The following MAGI2 variants were observed in gnomAD, a reference collection of about 807,000 sequenced individuals.
MAGI2 encodes the protein membrane-associated guanylate kinase, WW and PDZ domain-containing protein 2.
MAGI2 carries 35 observed loss-of-function variants against 133.3 expected under a neutral mutation model. That is an observed-to-expected ratio of 0.26 (90% CI 0.20 to 0.35). The LOEUF is 0.35. MAGI2 is among the 10% of genes least tolerant of loss of function. The pLI is 1.00. For missense variants in MAGI2, 1,636 were observed against 1,863.4 expected (o/e 0.88, Z 2.25); for synonymous variants, 729 against 710.6 (o/e 1.03, Z -0.41).
intron 1 of MAGI2, among the ~76,000 whole-genome samples, chr7:79,317,019 C>CTTTTTTTTTT (rs58130248): frequency 9.8e-6 from 1 of 101,722 alleles, no homozygotes; most frequent in African/African-American, 3.7e-5. Context: ...TTTTCTTTTT[C>CTTTTTTTTTT]TTTTTTTTTT....
Position 79,023,921 on chromosome 7 carries a change from T to A in MAGI2, c.302-16715A>T, listed in dbSNP as rs113453542. ...AATGGCCATACTGCCCAAAGCAATTTACAGATTTAATACTATTGCTATCAA... is the reference window on the plus strand; with the variant it reads ...AATGGCCATACTGCCCAAAGCAATTAACAGATTTAATACTATTGCTATCAA... On this transcript the variant is annotated intron_variant, in intron 1 of 21. Coordinates refer to ENST00000354212, the MANE Select transcript of MAGI2 (RefSeq NM_012301.4). 2.3e-3 allele frequency among the ~76,000 whole-genome samples: 350 copies of A among 152,198 alleles called. 1 individual carries two copies. The highest frequency in any genetic ancestry group is 8.2e-3 in the African/African-American group (342 of 41,522).
chr7:78,863,391 A>G (rs1003753227), intron 2 of MAGI2, among the ~76,000 whole-genome samples: 7 of 152,112 alleles, frequency 4.6e-5, no homozygotes, highest in Non-Finnish European at 1.0e-4. Context: ...GGCAAAGGGG[A>G]GCCAGTGTGT....
At chr7:78,535,470 A>T (rs916366985) in intron 3 of MAGI2, among the ~76,000 whole-genome samples, 1 of 152,210 alleles carries the variant, frequency 6.6e-6, no homozygotes, top group East Asian at 1.9e-4. Flanking sequence ...TCAATGAGGG[A>T]TATTTACAAA....
chr7:78,072,994 C>T, intron 21 of MAGI2: 1 of 398,600 alleles, frequency 2.5e-6, no homozygotes, highest in South Asian at 1.3e-4. Context: ...AAACAAATGA[C>T]CATTACTTAT....
At chr7:79,126,515 G>A (rs969293044) in intron 1 of MAGI2, among the ~76,000 whole-genome samples, 5 of 151,958 alleles carry the variant, frequency 3.3e-5, no homozygotes, top group African/African-American at 1.2e-4. Context: ...GAGAAAAGTC[G>A]AGCTGAAAGA....
chr7:78,714,123 T>TAGTGTACATAAACATATATGAAG (rs1563396186), intron 2 of MAGI2, among the ~76,000 whole-genome samples: 1 of 150,868 alleles, frequency 6.6e-6, no homozygotes, highest in East Asian at 2.0e-4. Flanking sequence ...TAAATATGAA[T>TAGTGTACATAAACATATATGAAG]AGTGTACATA....
intron 3 of MAGI2, among the ~76,000 whole-genome samples, chr7:78,530,043 G>A (rs1026794501): frequency 2.0e-5 from 3 of 152,050 alleles, no homozygotes; most frequent in African/African-American, 7.2e-5. Flanking sequence ...ATGGCCATAT[G>A]TTACTAGCAG....
intron 20 of MAGI2, among the ~76,000 whole-genome samples, chr7:78,122,123 C>T (rs1222636043): frequency 6.6e-6 from 1 of 152,090 alleles, no homozygotes; most frequent in Non-Finnish European, 1.5e-5. Context: ...GAAGGTGGTT[C>T]CCTCTGAGGG....
At chr7:79,011,024 G>A (rs1808032928) in intron 1 of MAGI2, 1 of 152,108 alleles carries the variant, frequency 6.6e-6, no homozygotes, top group South Asian at 2.1e-4. Context: ...AACTTCAGAA[G>A]AACGTTTGGA....
In MAGI2 at chr7:78,597,378, G is replaced by C. The variant is rs867733601; in HGVS notation, c.538+29742C>G. Among the ~76,000 whole-genome samples, 235 of 150,416 alleles carry C rather than the reference G, an allele frequency of 1.6e-3. 3 individuals carry two copies. The highest frequency in any genetic ancestry group is 0.014 in the Middle Eastern group (4 of 290). ...CAGTAAAATAAATGAATTCCTTGGG[G>C]GGGGGGGTCTTATAAATAATTTTAG... is the stretch of plus-strand genomic sequence containing the variant. On this transcript the variant is annotated intron_variant, in intron 3 of 21. Transcript: ENST00000354212.
chr7:78,337,725 C>G (rs1789918940), intron 9 of MAGI2, among the ~76,000 whole-genome samples: 1 of 152,134 alleles, frequency 6.6e-6, no homozygotes, highest in East Asian at 1.9e-4. Context: ...TTTGTCTTTA[C>G]CATGTACTTG....
chr7:78,802,978 T>A (rs1351803603), intron 2 of MAGI2, among the ~76,000 whole-genome samples: 2 of 151,190 alleles, frequency 1.3e-5, no homozygotes, highest in African/African-American at 2.4e-5. Flanking sequence ...TGCCTTGGAG[T>A]TTTTTTCAAT....
At chr7:79,158,210 A>G (rs1192101611) in intron 1 of MAGI2, among the ~76,000 whole-genome samples, 1 of 152,046 alleles carries the variant, frequency 6.6e-6, no homozygotes, top group African/African-American at 2.4e-5. Context: ...AAGAAAGAAA[A>G]GAAGTTTTAA....
chr7:78,735,808 C>T lies in MAGI2; in HGVS notation c.419-108569G>A, dbSNP rs186792920. ...CATACTATAAATGCACATATGTGCA[C>T]CAATCTAATAGATTTACTTTTAAAA... On this transcript the variant is annotated intron_variant, in intron 2 of 21. Coordinates refer to ENST00000354212, the MANE Select transcript of MAGI2 (RefSeq NM_012301.4). Among the ~76,000 whole-genome samples, 218 of 152,264 alleles carry T rather than the reference C, an allele frequency of 1.4e-3. 1 individual carries two copies. The highest frequency in any genetic ancestry group is 4.8e-3 in the African/African-American group (199 of 41,562).
At chr7:78,618,206 T>C (rs1290826551) in intron 3 of MAGI2, 1 of 151,982 alleles carries the variant, frequency 6.6e-6, no homozygotes, top group Non-Finnish European at 1.5e-5. Context: ...CTTATATCTA[T>C]GGGGATATTT....
chr7:79,452,133 C>A (rs936800042), intron 1 of MAGI2, among the ~76,000 whole-genome samples: 6 of 152,162 alleles, frequency 3.9e-5, no homozygotes, highest in Non-Finnish European at 7.3e-5. Context: ...AACACGCCCC[C>A]CAAATCGGAG....
intron 1 of MAGI2, among the ~76,000 whole-genome samples, chr7:79,133,739 T>TTACTAC (rs1161967141): frequency 6.6e-6 from 1 of 152,156 alleles, no homozygotes; most frequent in African/African-American, 2.4e-5. Flanking sequence ...AATTATAGAA[T>TTACTAC]TACTACTATA....
At chr7:78,281,197 TTTG>T (rs1483084462) in intron 9 of MAGI2, among the ~76,000 whole-genome samples, 4 of 152,128 alleles carry the variant, frequency 2.6e-5, no homozygotes, top group African/African-American at 4.8e-5. Context: ...ATAGGCATAT[TTTG>T]TTGTTATTCA....
intron 1 of MAGI2, among the ~76,000 whole-genome samples, chr7:79,314,779 G>T (rs1434879374): frequency 1.3e-5 from 2 of 152,020 alleles, no homozygotes; most frequent in Non-Finnish European, 2.9e-5. Context: ...GACTTTTATT[G>T]GGACATAGAA....
Sources: gnomAD v4.1 joint callset for allele counts (sites outside exome capture counted in the v4.1 genomes callset) on GRCh38, gnomAD v4.1.1 for gene constraint, MANE v1.5 for transcripts, NCBI Gene and HGNC (gene_info 2026-07-23, HGNC 2026-07-21) for gene names.